THUMPD2: variants seen among roughly 807,000 people sequenced by gnomAD.
The protein encoded by THUMPD2 is THUMP domain 2 tRNA and snRNA guanosine methyltransferase.
In THUMPD2, 56 loss-of-function variants were observed where a neutral mutation model predicts 49.4. That is an observed-to-expected ratio of 1.13 (90% CI 0.91 to 1.41). THUMPD2 has a LOEUF of 1.41. Among genes scored for constraint, THUMPD2 ranks in the 40% most tolerant of loss-of-function variants. The pLI, the probability that THUMPD2 is intolerant of heterozygous loss-of-function variation, is 0.00. For missense variants in THUMPD2, 709 were observed against 594.5 expected, an observed-to-expected ratio of 1.19 and a Z score of -2.00; for synonymous variants, 237 against 205.2, an observed-to-expected ratio of 1.15 and a Z score of -1.32.
chr2:39,750,446 G>GT (rs1675243650), intron 8 of THUMPD2, among the ~76,000 whole-genome samples: 2 of 152,118 alleles, frequency 1.3e-5, no homozygotes, highest in South Asian at 2.1e-4. Flanking sequence ...TAATGGGGTT[G>GT]TTTTTTTCTT....
chr2:39,748,596 G>A (rs1011471145), intron 8 of THUMPD2, among the ~76,000 whole-genome samples: 1 of 152,072 alleles, frequency 6.6e-6, no homozygotes, highest in African/African-American at 2.4e-5. Context: ...GCTGAAGCGG[G>A]AGAATTGCTT....
chr2:39,763,774 G>A (rs1475354335), intron 5 of THUMPD2, among the ~76,000 whole-genome samples: 2 of 152,064 alleles, frequency 1.3e-5, no homozygotes, highest in Non-Finnish European at 2.9e-5. Flanking sequence ...CATCCAAGCT[G>A]TTTAACATAT....
At chr2:39,768,833 G>C in intron 3 of THUMPD2, 1 of 1,126,634 alleles carries the variant, frequency 8.9e-7, no homozygotes, top group Non-Finnish European at 1.2e-6. Flanking sequence ...CAAGCTGAAA[G>C]ATTAACTATG....
intron 3 of THUMPD2, 118 bp downstream of exon 3, chr2:39,769,592 C>T: frequency 1.9e-6 from 2 of 1,048,056 alleles, no homozygotes; most frequent in Non-Finnish European, 2.6e-6. Flanking sequence ...ATCCCAGCTA[C>T]TCAGGAGGCT....
chr2:39,740,465 C>T (rs1016279209), intron 9 of THUMPD2, among the ~76,000 whole-genome samples: 1 of 152,082 alleles, frequency 6.6e-6, no homozygotes, highest in African/African-American at 2.4e-5. Flanking sequence ...GACAAGATGC[C>T]TAACAGGACA....
chr2:39,748,367 T>G (rs559635307), intron 8 of THUMPD2, among the ~76,000 whole-genome samples: 3 of 152,312 alleles, frequency 2.0e-5, no homozygotes, highest in African/African-American at 7.2e-5. Context: ...CATTCAGTCA[T>G]CTTCAACACA....
intron 8 of THUMPD2, among the ~76,000 whole-genome samples, chr2:39,753,058 T>A (rs1029478240): frequency 2.6e-5 from 4 of 152,204 alleles, no homozygotes; most frequent in African/African-American, 9.7e-5. Flanking sequence ...TTCTCTTTAG[T>A]GAGATCAAAC....
chr2:39,751,659 T>C (rs905150278), intron 8 of THUMPD2, among the ~76,000 whole-genome samples: 1 of 151,676 alleles, frequency 6.6e-6, no homozygotes, highest in African/African-American at 2.4e-5. Flanking sequence ...AATAAATACA[T>C]ATGATTTATT....
intron 5 of THUMPD2, among the ~76,000 whole-genome samples, chr2:39,764,388 G>GA (rs1442783598): frequency 1.3e-5 from 2 of 152,212 alleles, no homozygotes; most frequent in East Asian, 3.8e-4. Flanking sequence ...ATAATAATTT[G>GA]TGGAGAAGAT....
intron 8 of THUMPD2, among the ~76,000 whole-genome samples, chr2:39,754,351 A>C (rs1364324434): frequency 1.3e-5 from 2 of 152,212 alleles, no homozygotes; most frequent in Non-Finnish European, 2.9e-5. Context: ...AACAACTATG[A>C]GATCTCAATC....
At chr2:39,767,562 C>T (rs1677700508) in intron 4 of THUMPD2, among the ~76,000 whole-genome samples, 1 of 138,104 alleles carries the variant, frequency 7.2e-6, no homozygotes, top group Non-Finnish European at 1.5e-5. Context: ...CGAGATCCCG[C>T]CACTGCACTC....
At chr2:39,764,162 C>G (rs1299275240) in intron 5 of THUMPD2, among the ~76,000 whole-genome samples, 2 of 152,184 alleles carry the variant, frequency 1.3e-5, no homozygotes, top group Non-Finnish European at 1.5e-5. Context: ...TTTCCTAACT[C>G]TAATCAAGCA....
At chr2:39,757,450 C>A (rs73924936) in intron 6 of THUMPD2, 1 of 1,291,324 alleles carries the variant, frequency 7.7e-7, no homozygotes, top group Non-Finnish European at 1.0e-6. Flanking sequence ...TCACACAAAT[C>A]CCCCATGAAG....
In THUMPD2 at chr2:39,779,158, G is replaced by A; in HGVS notation, c.82C>T (p.Pro28Ser). The A allele has an allele frequency of 2.0e-6, 3 of 1,521,304 alleles. No individual in the cohort carries two copies. Among genetic ancestry groups the A allele is most frequent in the Non-Finnish European group, 2.6e-6 (3 of 1,140,060 alleles). 94.2% of individuals were successfully genotyped at this position (1,521,304 alleles called of 1,614,324 possible). The part of the protein sequence containing the change: ...FFCTAGRGLE[P>S]FVMREVRARL... Reference sequence around the variant, plus strand: ...GCCCGCACCTCTCGCATTACGAACGGCTCCAGGCCGCGACCCGCAGTGCAG... The same window carrying A: ...GCCCGCACCTCTCGCATTACGAACGACTCCAGGCCGCGACCCGCAGTGCAG... Residue 28 changes from proline to serine, a missense_variant, in exon 1 of 10, where the codon CCG becomes TCG. By Grantham distance (74) the Pro-to-Ser change is moderately conservative. Transcript: ENST00000505747.
At chr2:39,754,801 A>G (rs1572800873) in intron 8 of THUMPD2, among the ~76,000 whole-genome samples, 1 of 152,316 alleles carries the variant, frequency 6.6e-6, no homozygotes, top group African/African-American at 2.4e-5. Flanking sequence ...TTTACTCCAG[A>G]CTTTGCTGAT....
chr2:39,760,624 T>C (rs1676699429), intron 6 of THUMPD2, among the ~76,000 whole-genome samples: 1 of 152,016 alleles, frequency 6.6e-6, no homozygotes, highest in Admixed American at 6.6e-5. Flanking sequence ...AGCTATGTGT[T>C]TGTAAAAAAT....
At chr2:39,770,189 A>T (rs1678123105) in intron 2 of THUMPD2, 70 bp from the exon 3 acceptor site, 1 of 1,069,388 alleles carries the variant, frequency 9.4e-7, no homozygotes, top group Non-Finnish European at 1.3e-6. Flanking sequence ...CATCACCCTC[A>T]AACTCAATTA....
At chr2:39,743,322 C>T (rs529950795) in intron 9 of THUMPD2, among the ~76,000 whole-genome samples, 1 of 152,152 alleles carries the variant, frequency 6.6e-6, no homozygotes, top group Non-Finnish European at 1.5e-5. Context: ...CAATTTAAAC[C>T]ATTAGAAAAA....
In THUMPD2 at chr2:39,768,454, C is replaced by G. The variant is rs958548849; in HGVS notation, c.720G>C (p.Trp240Cys). ...ATTGTGGATTCCTCAAGTCTGCTTT[C>G]CATCCAAAGTGTTTCATAATAGCAA... ...IGIAIMKHFG[W>C]KADLRNPQLE... is the part of the protein sequence containing the mutation. Residue 240 changes from tryptophan to cysteine, a missense_variant, in exon 4 of 10, where the codon TGG becomes TGC. Trp to Cys is a radical substitution (Grantham distance 215, BLOSUM62 -2). Coordinates refer to ENST00000505747, the MANE Select transcript of THUMPD2 (RefSeq NM_025264.5). 2 of 1,612,990 alleles carry G rather than the reference C, an allele frequency of 1.2e-6. No homozygotes were observed. The highest frequency in any genetic ancestry group is 1.7e-6 in the Non-Finnish European group (2 of 1,179,606).
Sources: allele counts gnomAD v4.1 joint callset (sites outside exome capture counted in the v4.1 genomes callset), GRCh38; gene constraint gnomAD v4.1.1; transcripts MANE v1.5; gene names NCBI Gene and HGNC (gene_info 2026-07-23, HGNC 2026-07-21).